Variants in PCLO observed in about 807,000 individuals in gnomAD.
PCLO encodes the protein protein piccolo.
In PCLO, 82 loss-of-function variants were observed where a neutral mutation model predicts 427.5. That is an observed-to-expected ratio of 0.19 (90% confidence interval 0.16 to 0.23). The LOEUF (loss-of-function observed/expected upper bound fraction) is 0.23, where lower values mean the gene tolerates loss of function less well. PCLO is among the 10% of genes least tolerant of loss of function. The pLI is 1.00. For missense variants in PCLO, 6,239 were observed against 6,115.9 expected, an observed-to-expected ratio of 1.02 and a Z score of -0.67; for synonymous variants, 2,357 against 2,155.4, an observed-to-expected ratio of 1.09 and a Z score of -2.59.
At chr7:82,759,203 C>T (rs1168280029) in intron 24 of PCLO, among the ~76,000 whole-genome samples, 1 of 151,630 alleles carries the variant, frequency 6.6e-6, no homozygotes, top group East Asian at 1.9e-4. Flanking sequence ...AAGCTGTTTT[C>T]TGAAGTCATA....
intron 3 of PCLO, among the ~76,000 whole-genome samples, 185 bp downstream of exon 3, chr7:83,134,064 TA>T (rs1403584472): frequency 1.3e-5 from 2 of 151,632 alleles, no homozygotes; most frequent in Admixed American, 6.6e-5. Context: ...AAAGTACAAA[TA>T]ACATGAACTC....
At chr7:82,989,739 A>C (rs973453311) in intron 3 of PCLO, among the ~76,000 whole-genome samples, 1 of 152,144 alleles carries the variant, frequency 6.6e-6, no homozygotes, top group African/African-American at 2.4e-5. Context: ...ATATCAACTG[A>C]TACATTTCTC....
chr7:82,930,154 A>G (rs1209928408), intron 6 of PCLO, among the ~76,000 whole-genome samples: 2 of 152,146 alleles, frequency 1.3e-5, no homozygotes, highest in East Asian at 3.9e-4. Context: ...ATGTAGTTCT[A>G]AGTACTAAGA....
In PCLO at chr7:82,845,497, T is replaced by C. The variant is rs774549085; in HGVS notation, c.13832-12A>G. ...TTTCGCCTTATCCACTACAACAAAA[T>C]GAAAGAGATTTACATACTTCTCCAT... On this transcript the variant is annotated splice_polypyrimidine_tract_variant and intron_variant, in intron 12 of 24. Coordinates refer to ENST00000333891, the MANE Select transcript of PCLO (RefSeq NM_033026.6). 6.3e-7 allele frequency: 1 copy of C among 1,576,860 alleles called. No homozygotes were observed. Among genetic ancestry groups the C allele is most frequent in the Non-Finnish European group, 8.7e-7 (1 of 1,149,892 alleles).
chr7:83,052,219 A>G (rs1035380875), intron 3 of PCLO, among the ~76,000 whole-genome samples: 1 of 152,038 alleles, frequency 6.6e-6, no homozygotes, highest in Non-Finnish European at 1.5e-5. Flanking sequence ...GTACCACACT[A>G]ATGCATTAAT....
At chr7:82,836,958 T>C (rs1457987489) in intron 15 of PCLO, among the ~76,000 whole-genome samples, 2 of 152,148 alleles carry the variant, frequency 1.3e-5, no homozygotes, top group Admixed American at 6.6e-5. Context: ...TTTTGGTGAA[T>C]GCTCCATGTG....
intron 3 of PCLO, among the ~76,000 whole-genome samples, chr7:82,971,854 T>C (rs1795914824): frequency 6.6e-6 from 1 of 151,274 alleles, no homozygotes; most frequent in African/African-American, 2.4e-5. Context: ...AACATGCTAA[T>C]CATCCTTGTG....
intron 16 of PCLO, among the ~76,000 whole-genome samples, chr7:82,830,575 G>T (rs1792069959): frequency 6.6e-6 from 1 of 151,912 alleles, no homozygotes. Context: ...CAAACACATG[G>T]TAGTATGAGT....
chr7:83,038,826 C>T (rs1188285023), intron 3 of PCLO, among the ~76,000 whole-genome samples: 1 of 151,854 alleles, frequency 6.6e-6, no homozygotes, highest in African/African-American at 2.4e-5. Context: ...AGTGGCTGCA[C>T]CAATTTATAT....
intron 14 of PCLO, among the ~76,000 whole-genome samples, chr7:82,840,124 G>A (rs1792330559): frequency 6.6e-6 from 1 of 151,962 alleles, no homozygotes; most frequent in South Asian, 2.1e-4. Flanking sequence ...AGAGAAAGAA[G>A]GCTATTAAGA....
intron 21 of PCLO, among the ~76,000 whole-genome samples, chr7:82,802,791 T>C (rs10486989): frequency 0.076 from 11,530 of 152,152 alleles, 623 homozygotes; most frequent in East Asian, 0.15. Context: ...TCCAATTATA[T>C]CTTACTTGAA....
intron 6 of PCLO, among the ~76,000 whole-genome samples, chr7:82,946,913 G>C (rs1795217099): frequency 6.6e-6 from 1 of 152,130 alleles, no homozygotes; most frequent in African/African-American, 2.4e-5. Context: ...TGTGCACATT[G>C]TAAATAAAAG....
Position 82,999,720 on chromosome 7 carries a change from TATA to T in PCLO, c.3301-33236_3301-33234del, listed in dbSNP as rs1326180786. Among the ~76,000 whole-genome samples the T allele has an allele frequency of 1.4e-3, 158 of 114,434 alleles. 48 individuals are homozygous for T. The highest frequency in any genetic ancestry group is 2.4e-3 in the Non-Finnish European group (146 of 60,700). 75.1% of individuals were successfully genotyped at this position (114,434 alleles called of 152,430 possible). A position where few individuals can be genotyped will look rare whatever the true frequency, so the allele number is the denominator to read the frequency against. On this transcript the variant is annotated intron_variant, in intron 3 of 24. Coordinates refer to ENST00000333891, the MANE Select transcript of PCLO (RefSeq NM_033026.6). ...ATAATATTAAATATAAAATATAATA[TATA>T]ATATTAAATATAAAATATAATATAT... is the stretch of plus-strand genomic sequence containing the variant.
chr7:82,916,268 C>T lies in PCLO; in HGVS notation c.11718G>A (p.Gln3906=), dbSNP rs755475394. The change falls in exon 7 of 25, where the codon CAG becomes CAA. Residue 3906 remains glutamine (Q), a synonymous_variant. Transcript: ENST00000333891. ...ACAAAGTTTGTTGCTCAAAATGAGA[C>T]TGTTGAGTGTATGAGGTGGGTGCTT... ...PTQAPTSYTQ[Q]SHFEQQTLYH... 125 of 1,613,438 alleles carry T rather than the reference C, an allele frequency of 7.7e-5. No individual in the cohort carries two copies. Among genetic ancestry groups the T allele is most frequent in the South Asian group, 4.1e-4 (37 of 91,078 alleles).
intron 24 of PCLO, among the ~76,000 whole-genome samples, chr7:82,759,111 G>A (rs1260500031): frequency 1.3e-5 from 2 of 151,762 alleles, no homozygotes; most frequent in Non-Finnish European, 2.9e-5. Context: ...TCTGTATTCT[G>A]AATAAATAAA....
chr7:82,778,337 C>T (rs1200925983), intron 22 of PCLO, among the ~76,000 whole-genome samples: 1 of 152,112 alleles, frequency 6.6e-6, no homozygotes, highest in African/African-American at 2.4e-5. Context: ...TTAGTTCAAC[C>T]ACTGTGGAAA....
Position 82,824,383 on chromosome 7 carries a change from C to G in PCLO, c.14449G>C (p.Asp4817His). 7.4e-6 allele frequency: 12 copies of G among 1,610,974 alleles called. No individual in the cohort carries two copies. Among genetic ancestry groups the G allele is most frequent in the Non-Finnish European group, 1.0e-5 (12 of 1,178,446 alleles). Residue 4817 changes from aspartate to histidine, a missense_variant, in exon 19 of 25, where the codon GAT becomes CAT. Transcript: ENST00000333891. ...AGAGGATACCACCTTGGAGTGTTAT[C>G]GAGGTGAGATGTGCTAGATAAATCA... The part of the protein sequence containing the change: ...LIDLSSTSHL[D>H]NTPRWYPLKE...
At chr7:83,150,809 A>C (rs888630575) in intron 2 of PCLO, among the ~76,000 whole-genome samples, 1 of 152,220 alleles carries the variant, frequency 6.6e-6, no homozygotes, top group Non-Finnish European at 1.5e-5. Flanking sequence ...ATAAACAACA[A>C]GCTGGAAAAT....
chr7:83,150,463 A>T (rs1481316458), intron 2 of PCLO, among the ~76,000 whole-genome samples: 1 of 152,152 alleles, frequency 6.6e-6, no homozygotes, highest in East Asian at 1.9e-4. Flanking sequence ...TTTAAAGGTG[A>T]TCCTCTTCAC....
Sources: allele counts gnomAD v4.1 joint callset (sites outside exome capture counted in the v4.1 genomes callset), GRCh38; gene constraint gnomAD v4.1.1; transcripts MANE v1.5; gene names NCBI Gene and HGNC (gene_info 2026-07-23, HGNC 2026-07-21).